Variants in NBAS observed in about 807,000 individuals in gnomAD.
The protein encoded by NBAS is NAG/BC035112 fusion.
A neutral mutation model predicts 302.5 loss-of-function variants in NBAS; 219 were observed. The ratio of observed to expected loss-of-function variants is 0.72; its 90% CI spans 0.65 to 0.81. The LOEUF is 0.81. Among genes scored for constraint, NBAS ranks in the 30% least tolerant of loss-of-function variants. NBAS has a pLI of 0.00. For synonymous variants in NBAS, 1,118 were observed against 1,021.6 expected, an observed-to-expected ratio of 1.09 and a Z score of -1.80; for missense variants, 2,932 against 2,841.6, an observed-to-expected ratio of 1.03 and a Z score of -0.72.
chr2:15,122,382 A>G, the NBAS span, among the ~76,000 whole-genome samples: 1 of 152,162 alleles, frequency 6.6e-6, no homozygotes, highest in Admixed American at 6.5e-5. Flanking sequence ...AGAGAGAGGG[A>G]GCAAGAAAGA....
At chr2:14,823,234 T>A in the NBAS span, among the ~76,000 whole-genome samples, 7 of 152,364 alleles carry the variant, frequency 4.6e-5, no homozygotes, top group East Asian at 1.3e-3. Flanking sequence ...CCATGCTCTG[T>A]AAGTGTTCAA....
At chr2:15,348,560 T>G (rs990102204) in intron 35 of NBAS, among the ~76,000 whole-genome samples, 4 of 152,090 alleles carry the variant, frequency 2.6e-5, no homozygotes, top group African/African-American at 9.7e-5. Flanking sequence ...GGGTTCCAAA[T>G]AATTCATAAA....
At chr2:15,161,764 A>G in the NBAS span, among the ~76,000 whole-genome samples, 3 of 152,104 alleles carry the variant, frequency 2.0e-5, no homozygotes, top group African/African-American at 7.2e-5. Context: ...TGATTTGCAA[A>G]CCAAGTGGTT....
At chr2:15,032,280 G>A in the NBAS span, among the ~76,000 whole-genome samples, 2 of 152,244 alleles carry the variant, frequency 1.3e-5, no homozygotes, top group African/African-American at 4.8e-5. Flanking sequence ...GTTTTGAGGT[G>A]CATGCTAGAA....
At chr2:15,526,442 C>T (rs772261456) in intron 9 of NBAS, among the ~76,000 whole-genome samples, 11 of 152,134 alleles carry the variant, frequency 7.2e-5, no homozygotes, top group Non-Finnish European at 1.3e-4. Context: ...CCAAATTCAA[C>T]TCTGGCTGAT....
the NBAS span, among the ~76,000 whole-genome samples, chr2:14,988,671 A>G: frequency 2.6e-5 from 4 of 152,202 alleles, no homozygotes; most frequent in African/African-American, 9.6e-5. Context: ...AATAAATACA[A>G]CTGGTAAACA....
intron 9 of NBAS, among the ~76,000 whole-genome samples, chr2:15,526,653 A>G (rs1662926553): frequency 6.6e-6 from 1 of 152,178 alleles, no homozygotes; most frequent in Non-Finnish European, 1.5e-5. Context: ...CTTGCTTTAC[A>G]ACAATCTTCA....
At chr2:15,528,879 ATATAT>A (rs1400102575) in intron 9 of NBAS, among the ~76,000 whole-genome samples, 1 of 111,814 alleles carries the variant, frequency 8.9e-6, no homozygotes, top group African/African-American at 3.2e-5. Flanking sequence ...AAAAAAAAAA[ATATAT>A]ATATATATAT....
chr2:14,977,471 G>T, the NBAS span, among the ~76,000 whole-genome samples: 1 of 152,168 alleles, frequency 6.6e-6, no homozygotes, highest in Non-Finnish European at 1.5e-5. Context: ...GTAAGGTTTG[G>T]TATTCAAATT....
intron 44 of NBAS, among the ~76,000 whole-genome samples, chr2:15,254,603 G>A (rs1668506621): frequency 6.6e-6 from 1 of 152,104 alleles, no homozygotes; most frequent in Non-Finnish European, 1.5e-5. Context: ...GCATGGAAAA[G>A]TCCTTCAGTG....
chr2:14,823,480 A>G, the NBAS span, among the ~76,000 whole-genome samples: 1 of 152,244 alleles, frequency 6.6e-6, no homozygotes, highest in Admixed American at 6.5e-5. Flanking sequence ...GAACCTAGAT[A>G]CATTTTAAGT....
the NBAS span, among the ~76,000 whole-genome samples, chr2:14,931,991 T>C: frequency 2.0e-5 from 3 of 152,252 alleles, no homozygotes; most frequent in Non-Finnish European, 4.4e-5. Flanking sequence ...TCATTTTTAG[T>C]TCACAGTTTT....
chr2:14,840,669 T>G, the NBAS span, among the ~76,000 whole-genome samples: 1 of 152,056 alleles, frequency 6.6e-6, no homozygotes, highest in Admixed American at 6.5e-5. Flanking sequence ...TCAAAAATAT[T>G]GTATCTAGCA....
chr2:14,795,612 T>A, the NBAS span, among the ~76,000 whole-genome samples: 2 of 152,222 alleles, frequency 1.3e-5, no homozygotes, highest in Non-Finnish European at 2.9e-5. Context: ...AGTAAAATCT[T>A]GGTGTTATAT....
the NBAS span, among the ~76,000 whole-genome samples, chr2:14,961,693 C>G: frequency 6.6e-6 from 1 of 152,174 alleles, no homozygotes; most frequent in Non-Finnish European, 1.5e-5. Flanking sequence ...AAACCTCTGA[C>G]ACAGGTACTA....
chr2:15,172,517 T>C (rs1016566), intron 51 of NBAS, among the ~76,000 whole-genome samples: 88,629 of 152,082 alleles, frequency 0.58, 28,315 homozygotes, highest in East Asian at 0.85. Context: ...ATGACTTGTT[T>C]TATTGCTTTA....
chr2:15,014,272 T>C, the NBAS span, among the ~76,000 whole-genome samples: 3 of 152,276 alleles, frequency 2.0e-5, no homozygotes, highest in East Asian at 5.8e-4. Flanking sequence ...ATCAAATTTA[T>C]ACTGCACCAT....
intron 51 of NBAS, among the ~76,000 whole-genome samples, chr2:15,176,060 G>A (rs774276651): frequency 8.5e-5 from 13 of 152,214 alleles, no homozygotes; most frequent in South Asian, 4.1e-4. Context: ...GAACTCAAGC[G>A]CCCTGCTAAT....
chr2:15,106,582 T>C, the NBAS span, among the ~76,000 whole-genome samples: 1 of 152,020 alleles, frequency 6.6e-6, no homozygotes, highest in Non-Finnish European at 1.5e-5. Flanking sequence ...CCAAAAACCT[T>C]CTGAGATGCC....
Sources: gnomAD v4.1 joint callset for allele counts (sites outside exome capture counted in the v4.1 genomes callset) on GRCh38, gnomAD v4.1.1 for gene constraint, MANE v1.5 for transcripts, NCBI Gene and HGNC (gene_info 2026-07-23, HGNC 2026-07-21) for gene names.